The following SLC25A21 variants were observed in gnomAD, a reference collection of about 807,000 sequenced individuals.
SLC25A21 encodes the protein solute carrier family 25 member 21, also known as mitochondrial 2-oxodicarboxylate carrier.
SLC25A21 carries 47 observed loss-of-function variants against 43.8 expected under a neutral mutation model. That is an observed-to-expected ratio of 1.07 (90% CI 0.85 to 1.37). SLC25A21 has a LOEUF of 1.37. Among genes scored for constraint, SLC25A21 ranks in the 40% most tolerant of loss-of-function variants. The pLI is 0.00. For synonymous variants in SLC25A21, 131 were observed against 121.3 expected (o/e 1.08, Z -0.52); for missense variants, 352 against 350.2 (o/e 1.00, Z -0.04).
intron 7 of SLC25A21, among the ~76,000 whole-genome samples, chr14:36,707,481 C>T (rs1883626343): frequency 6.6e-6 from 1 of 152,116 alleles, no homozygotes; most frequent in African/African-American, 2.4e-5. Context: ...TCCCAGCCCC[C>T]AACCTAAGGA....
intron 1 of SLC25A21, among the ~76,000 whole-genome samples, chr14:36,923,741 A>G (rs1242988682): frequency 1.3e-5 from 2 of 152,110 alleles, no homozygotes; most frequent in African/African-American, 4.8e-5. Context: ...GAGCAAAAAT[A>G]TTTTTTAAAA....
intron 1 of SLC25A21, among the ~76,000 whole-genome samples, chr14:36,928,390 A>G (rs1039086408): frequency 6.6e-6 from 1 of 152,132 alleles, no homozygotes; most frequent in Non-Finnish European, 1.5e-5. Context: ...TTCTTGCCAA[A>G]TTTCAATCAA....
chr14:36,903,890 C>T (rs561665657), intron 1 of SLC25A21, among the ~76,000 whole-genome samples: 1 of 152,116 alleles, frequency 6.6e-6, no homozygotes, highest in South Asian at 2.1e-4. Flanking sequence ...TCGAACTAAG[C>T]GCAATCACTT....
At chr14:37,093,461 C>T (rs1962626651) in intron 1 of SLC25A21, among the ~76,000 whole-genome samples, 1 of 152,160 alleles carries the variant, frequency 6.6e-6, no homozygotes, top group African/African-American at 2.4e-5. Flanking sequence ...TCTTTTCTTT[C>T]TCTATGGGTG....
At chr14:37,114,799 T>C (rs1050022605) in intron 1 of SLC25A21, among the ~76,000 whole-genome samples, 3 of 150,840 alleles carry the variant, frequency 2.0e-5, no homozygotes, top group African/African-American at 2.4e-5. Context: ...GGGGGGGGAA[T>C]TGGTGGTTTT....
chr14:36,715,387 A>C (rs1304372406), intron 6 of SLC25A21, among the ~76,000 whole-genome samples: 2 of 152,242 alleles, frequency 1.3e-5, no homozygotes, highest in African/African-American at 2.4e-5. Context: ...ATCTGTAAAC[A>C]CATGGAATTT....
chr14:36,771,624 T>C (rs1886623653), intron 3 of SLC25A21, among the ~76,000 whole-genome samples: 1 of 152,172 alleles, frequency 6.6e-6, no homozygotes, highest in South Asian at 2.1e-4. Context: ...GAAGAGTTTC[T>C]CTCTTGCTAA....
chr14:36,960,479 G>C (rs528840839), intron 1 of SLC25A21, among the ~76,000 whole-genome samples: 2 of 151,886 alleles, frequency 1.3e-5, no homozygotes, highest in Non-Finnish European at 2.9e-5. Flanking sequence ...AGTAAGATTT[G>C]CATGTAATAA....
intron 3 of SLC25A21, among the ~76,000 whole-genome samples, chr14:36,808,486 T>C (rs1445513505): frequency 6.6e-6 from 1 of 152,150 alleles, no homozygotes; most frequent in African/African-American, 2.4e-5. Context: ...CGCTGTGTGA[T>C]TTGAGGCTAG....
At chr14:36,922,978 C>T (rs1050633161) in intron 1 of SLC25A21, among the ~76,000 whole-genome samples, 29 of 151,796 alleles carry the variant, frequency 1.9e-4, no homozygotes, top group Admixed American at 1.6e-3. Flanking sequence ...CGACGCAGAC[C>T]CAGGAGAAAA....
Position 36,708,754 on chromosome 14 carries a change from T to G in SLC25A21, c.603+2564A>C, listed in dbSNP as rs916417907. On this transcript the variant is annotated intron_variant, in intron 7 of 9. Coordinates refer to ENST00000331299, the MANE Select transcript of SLC25A21 (RefSeq NM_030631.4). The stretch of plus-strand genomic sequence containing the variant: ...ACCTGGCTAACGTTAGTTTTTTTTT[T>G]TTTTTTTTTTTGTAGCGATGAGGTC... 6.0e-5 allele frequency among the ~76,000 whole-genome samples: 9 copies of G among 149,754 alleles called. 1 individual carries two copies. Among genetic ancestry groups the G allele is most frequent in the Admixed American group, 6.0e-4 (9 of 15,004 alleles).
chr14:36,892,780 T>C (rs868202578), intron 1 of SLC25A21, among the ~76,000 whole-genome samples: 1 of 152,030 alleles, frequency 6.6e-6, no homozygotes, highest in African/African-American at 2.4e-5. Flanking sequence ...TTCCCACCTA[T>C]GAGTGAGAAC....
At chr14:37,034,613 G>A (rs916545478) in intron 1 of SLC25A21, among the ~76,000 whole-genome samples, 4 of 152,152 alleles carry the variant, frequency 2.6e-5, no homozygotes, top group African/African-American at 4.8e-5. Flanking sequence ...GGAGGTCAGC[G>A]TGCTGAGCAT....
intron 1 of SLC25A21, among the ~76,000 whole-genome samples, chr14:36,879,846 C>A (rs556710802): frequency 5.9e-5 from 9 of 152,038 alleles, no homozygotes; most frequent in Admixed American, 5.2e-4. Context: ...AACATTGTCA[C>A]ACAATGATTA....
intron 1 of SLC25A21, among the ~76,000 whole-genome samples, chr14:36,964,519 T>C (rs1417697010): frequency 6.6e-6 from 1 of 152,202 alleles, no homozygotes. Context: ...CTTATATCCA[T>C]GAGAAGCAGT....
intron 3 of SLC25A21, among the ~76,000 whole-genome samples, chr14:36,756,029 C>T (rs1056899642): frequency 1.3e-5 from 2 of 152,204 alleles, no homozygotes; most frequent in Non-Finnish European, 2.9e-5. Context: ...TTGATTTCTA[C>T]ACTGAAAAGC....
At chr14:37,023,481 T>C (rs1406839878) in intron 1 of SLC25A21, among the ~76,000 whole-genome samples, 1 of 151,986 alleles carries the variant, frequency 6.6e-6, no homozygotes, top group African/African-American at 2.4e-5. Context: ...CAAGGGTTCA[T>C]AGCTACTTCT....
intron 3 of SLC25A21, among the ~76,000 whole-genome samples, chr14:36,738,582 G>T (rs2139235932): frequency 6.6e-6 from 1 of 152,306 alleles, no homozygotes; most frequent in Middle Eastern, 3.4e-3. Context: ...TCTCCGACAT[G>T]ACGGCAAAGG....
chr14:36,981,858 A>T (rs1414283160), intron 1 of SLC25A21, among the ~76,000 whole-genome samples: 6 of 152,042 alleles, frequency 3.9e-5, no homozygotes, highest in South Asian at 4.1e-4. Flanking sequence ...AAATTAAATT[A>T]AAAAAATAAA....
Sources: allele counts gnomAD v4.1 joint callset (sites outside exome capture counted in the v4.1 genomes callset), GRCh38; gene constraint gnomAD v4.1.1; transcripts MANE v1.5; gene names NCBI Gene and HGNC (gene_info 2026-07-23, HGNC 2026-07-21).